The following DTWD2 variants were observed in gnomAD, a reference collection of about 807,000 sequenced individuals.
DTWD2 encodes DTW motif tRNA-uridine aminocarboxypropyltransferase 2.
A neutral mutation model predicts 31.8 loss-of-function variants in DTWD2; 39 were observed. The ratio of observed to expected loss-of-function variants is 1.22; its 90% CI spans 0.95 to 1.60. The LOEUF (loss-of-function observed/expected upper bound fraction) is 1.60. Ranked by LOEUF, DTWD2 falls within the 40% of genes most tolerant of loss-of-function variation. DTWD2 has a pLI of 0.00. For missense variants in DTWD2, 515 were observed against 381.5 expected, an observed-to-expected ratio of 1.35 and a Z score of -2.92; for synonymous variants, 180 against 142.8, an observed-to-expected ratio of 1.26 and a Z score of -1.86.
chr5:118,977,806 A>T (rs1208633508), intron 1 of DTWD2, among the ~76,000 whole-genome samples: 1 of 152,218 alleles, frequency 6.6e-6, no homozygotes, highest in African/African-American at 2.4e-5. Flanking sequence ...TACCATTAAC[A>T]TTCTTCACAG....
intron 1 of DTWD2, among the ~76,000 whole-genome samples, chr5:118,961,732 A>G (rs2149593405): frequency 6.6e-6 from 1 of 152,302 alleles, no homozygotes; most frequent in East Asian, 1.9e-4. Context: ...AAAACTGTCT[A>G]TATTTTAAAA....
intron 4 of DTWD2, among the ~76,000 whole-genome samples, chr5:118,914,825 T>C (rs182424648): frequency 9.8e-5 from 15 of 152,336 alleles, no homozygotes; most frequent in South Asian, 4.1e-4. Flanking sequence ...CACTAAATTA[T>C]GAAATCAAAG....
intron 4 of DTWD2, among the ~76,000 whole-genome samples, chr5:118,918,664 C>T (rs1045960928): frequency 5.3e-5 from 8 of 152,008 alleles, no homozygotes; most frequent in African/African-American, 1.9e-4. Flanking sequence ...ACTGCTACTG[C>T]CACCAATGCC....
rs375326206 is a variant in DTWD2 at position 118,875,783 on chromosome 5, C to T, written c.598-27565G>A. ...TAATAGTGGAGACTTTAACACCCCACGGACAATCTTACACAGATCAAGACA... is the reference window on the plus strand; with the variant it reads ...TAATAGTGGAGACTTTAACACCCCATGGACAATCTTACACAGATCAAGACA... On this transcript the variant is annotated intron_variant, in intron 4 of 5. Coordinates refer to ENST00000510708, the MANE Select transcript of DTWD2 (RefSeq NM_173666.4). Among the ~76,000 whole-genome samples, 10 of 151,576 alleles carry T rather than the reference C, an allele frequency of 6.6e-5. No homozygotes were observed. In the South Asian group the frequency reaches 2.1e-3, roughly 31 times the overall value.
intron 4 of DTWD2, among the ~76,000 whole-genome samples, chr5:118,903,731 T>C (rs1647077245): frequency 6.6e-6 from 1 of 151,804 alleles, no homozygotes; most frequent in African/African-American, 2.4e-5. Context: ...AAAAATAAAA[T>C]TGAATTTCCT....
At chr5:118,912,686 C>T (rs1039398481) in intron 4 of DTWD2, among the ~76,000 whole-genome samples, 3 of 152,232 alleles carry the variant, frequency 2.0e-5, no homozygotes, top group African/African-American at 7.2e-5. Context: ...TTCTCCATCT[C>T]AGTCCCCTGC....
chr5:118,934,673 G>C (rs187311020), intron 3 of DTWD2, among the ~76,000 whole-genome samples: 1 of 152,128 alleles, frequency 6.6e-6, no homozygotes, highest in East Asian at 1.9e-4. Context: ...TAACTGATAG[G>C]ACTAATAGAA....
At chr5:118,961,565 T>C (rs558053109) in intron 1 of DTWD2, among the ~76,000 whole-genome samples, 1 of 152,336 alleles carries the variant, frequency 6.6e-6, no homozygotes, top group South Asian at 2.1e-4. Flanking sequence ...ACATGATTTA[T>C]TCAAACTGAG....
At chr5:118,966,133 C>G (rs1489449308) in intron 1 of DTWD2, among the ~76,000 whole-genome samples, 1 of 152,112 alleles carries the variant, frequency 6.6e-6, no homozygotes, top group African/African-American at 2.4e-5. Flanking sequence ...AAAAACCCTG[C>G]CCAGAAAAAT....
intron 1 of DTWD2, among the ~76,000 whole-genome samples, chr5:118,958,182 C>T (rs796123035): frequency 1.4e-4 from 22 of 152,062 alleles, no homozygotes; most frequent in African/African-American, 5.1e-4. Flanking sequence ...CGGCCAGGCG[C>T]GGTGGCTCAC....
intron 3 of DTWD2, among the ~76,000 whole-genome samples, chr5:118,933,878 CTAAATAAATAAATAAATAAA>C (rs202062539): frequency 2.1e-5 from 3 of 145,328 alleles, no homozygotes; most frequent in African/African-American, 5.1e-5. Context: ...GGGAACTGAC[CTAAATAAATAAATAAATAAA>C]TAAATAAATA....
At chr5:118,934,698 T>A (rs1223188254) in intron 3 of DTWD2, among the ~76,000 whole-genome samples, 1 of 152,124 alleles carries the variant, frequency 6.6e-6, no homozygotes, top group Non-Finnish European at 1.5e-5. Flanking sequence ...AATATCACTA[T>A]GGTATTCACT....
At chr5:118,878,808 A>G (rs1752675153) in intron 4 of DTWD2, among the ~76,000 whole-genome samples, 1 of 152,218 alleles carries the variant, frequency 6.6e-6, no homozygotes, top group Non-Finnish European at 1.5e-5. Context: ...ACAAGAAAAA[A>G]AAATCCTATT....
rs1269661198 is a variant in DTWD2 at position 118,838,970 on chromosome 5, G to A, written c.*1947C>T. 6.6e-6 allele frequency: 1 copy of A among 152,052 alleles called. No homozygotes were observed. Among genetic ancestry groups the A allele is most frequent in the Non-Finnish European group, 1.5e-5 (1 of 68,076 alleles). 9.4% of individuals were successfully genotyped at this position (152,052 alleles called of 1,614,324 possible). A position where few individuals can be genotyped will look rare whatever the true frequency, so the allele number is the denominator to read the frequency against. On this transcript the variant is annotated 3_prime_UTR_variant, in exon 6 of 6. Transcript: ENST00000510708. The stretch of plus-strand genomic sequence containing the variant: ...GAGGTCAGGAGATCGAGACCATCCT[G>A]GCTAATACGGTGAAACCCCATCTCT...
At chr5:118,880,200 T>C (rs932560976) in intron 4 of DTWD2, among the ~76,000 whole-genome samples, 1 of 152,216 alleles carries the variant, frequency 6.6e-6, no homozygotes, top group African/African-American at 2.4e-5. Flanking sequence ...TAATCTTGTA[T>C]CTGTCTAATT....
chr5:118,974,010 A>T (rs1755064448), intron 1 of DTWD2: 5 of 1,601,614 alleles, frequency 3.1e-6, no homozygotes, highest in African/African-American at 1.3e-5. Flanking sequence ...GATGGTGAGG[A>T]AGAGGATGGA....
intron 4 of DTWD2, among the ~76,000 whole-genome samples, chr5:118,893,360 CAAAA>C (rs751616981): frequency 1.9e-5 from 1 of 52,564 alleles, no homozygotes; most frequent in Non-Finnish European, 4.4e-5. Context: ...GACACAGTCT[CAAAA>C]AAAAAAAAAA....
At chr5:118,943,616 A>G (rs1273651465) in intron 2 of DTWD2, among the ~76,000 whole-genome samples, 1 of 152,024 alleles carries the variant, frequency 6.6e-6, no homozygotes, top group African/African-American at 2.4e-5. Context: ...AATTTGCAAT[A>G]AAAGAAAAAA....
At chr5:118,866,959 A>G (rs545662599) in intron 4 of DTWD2, among the ~76,000 whole-genome samples, 4 of 152,236 alleles carry the variant, frequency 2.6e-5, no homozygotes, top group South Asian at 2.1e-4. Context: ...CAAATTCAAT[A>G]TGATTTCAAA....
Sources: allele counts gnomAD v4.1 joint callset (sites outside exome capture counted in the v4.1 genomes callset), GRCh38; gene constraint gnomAD v4.1.1; transcripts MANE v1.5; gene names NCBI Gene and HGNC (gene_info 2026-07-23, HGNC 2026-07-21).